Variants in DHCR7 observed in about 807,000 individuals in gnomAD.
The protein encoded by DHCR7 is 7-dehydrocholesterol reductase.
In DHCR7, 40 loss-of-function variants were observed where a neutral mutation model predicts 43.3. That is an observed-to-expected ratio of 0.92 (90% confidence interval 0.72 to 1.20). The LOEUF (loss-of-function observed/expected upper bound fraction) is 1.20. DHCR7 is among the 50% of genes most tolerant of loss of function. The pLI, the probability that DHCR7 is intolerant of heterozygous loss-of-function variation, is 0.00. For synonymous variants in DHCR7, 298 were observed against 271.4 expected, an observed-to-expected ratio of 1.10 and a Z score of -0.96; for missense variants, 608 against 644.6, an observed-to-expected ratio of 0.94 and a Z score of 0.62.
intron 8 of DHCR7, among the ~76,000 whole-genome samples, chr11:71,436,224 G>C (rs928928124): frequency 1.3e-5 from 2 of 152,216 alleles, no homozygotes; most frequent in African/African-American, 4.8e-5. Context: ...TAGTTGTAAA[G>C]GCATTTTTCA....
rs778104937 is a variant in DHCR7 at position 71,437,788 on chromosome 11, G to C, written c.963+24C>G. 2.5e-6 allele frequency: 4 copies of C among 1,613,474 alleles called. No individual in the cohort carries two copies. In the East Asian group the frequency reaches 6.7e-5, roughly 27 times the overall value. On this transcript the variant is annotated intron_variant, in intron 8 of 8. Transcript: ENST00000355527. ...CATGTGTCTGCCAAATGCCCCGCTG[G>C]GCCAGCTCTGCCCACCTCCTCACCT...
chr11:71,427,845 G>A (rs573453990), downstream of DHCR7, among the ~76,000 whole-genome samples: 10 of 152,276 alleles, frequency 6.6e-5, no homozygotes, highest in South Asian at 1.9e-3. Context: ...AAGCAGCCAG[G>A]ACTTTTCAGG....
chr11:71,442,324 G>A lies in DHCR7; in HGVS notation c.351C>T (p.Phe117=). Residue 117 remains phenylalanine (F), a synonymous_variant, in exon 5 of 9, where the codon TTC becomes TTT. Coordinates refer to ENST00000355527, the MANE Select transcript of DHCR7 (RefSeq NM_001360.3). ...QVLLYTSLPD[F]CHKFLPGYVG... Reference sequence around the variant, plus strand: ...CGTAGCCGGGTAGAAACTTATGGCAGAAGTCAGGGAGAGACGTGTACAGAA... The same window carrying A: ...CGTAGCCGGGTAGAAACTTATGGCAAAAGTCAGGGAGAGACGTGTACAGAA... The A allele has an allele frequency of 1.2e-6, 2 of 1,613,968 alleles. No homozygotes were observed. The highest frequency in any genetic ancestry group is 1.7e-6 in the Non-Finnish European group (2 of 1,179,964).
At chr11:71,442,237 G>A in intron 5 of DHCR7, 26 bp downstream of exon 5, 1 of 1,560,322 alleles carries the variant, frequency 6.4e-7, no homozygotes, top group Non-Finnish European at 8.8e-7. Context: ...ACGGGAGCCT[G>A]GGGAGGGTGG....
In DHCR7 at chr11:71,437,184, T is replaced by C. The variant is rs560500595; in HGVS notation, c.963+628A>G. 5.3e-5 allele frequency among the ~76,000 whole-genome samples: 8 copies of C among 152,308 alleles called. No individual in the cohort carries two copies. The South Asian group carries it at 1.7e-3, about 32-fold the overall frequency. On this transcript the variant is annotated intron_variant, in intron 8 of 8. Transcript: ENST00000355527. Reference sequence around the variant, plus strand: ...AGGTGATGCCGGGCCTGTCACATCCTGAATAGGTGACAGCCTCTCCACGTT... The same window carrying C: ...AGGTGATGCCGGGCCTGTCACATCCCGAATAGGTGACAGCCTCTCCACGTT...
chr11:71,438,083 T>A, intron 7 of DHCR7, 140 bp from the exon 8 acceptor site: 1 of 1,006,070 alleles, frequency 9.9e-7, no homozygotes, highest in Non-Finnish European at 1.5e-6. Flanking sequence ...GGGCTGTTCC[T>A]TCCCTGCGGC....
Position 71,435,868 on chromosome 11 carries a change from G to A in DHCR7, c.964-29C>T, listed in dbSNP as rs530212349. 2.2e-4 allele frequency: 353 copies of A among 1,570,172 alleles called. 3 individuals are homozygous for A. The South Asian group carries it at 2.6e-3, about 12-fold the overall frequency. On this transcript the variant is annotated intron_variant, in intron 8 of 8. Transcript: ENST00000355527. ...GGGGGCGAGGGGGAAGGGGTCAAGC[G>A]GTGCTTTGCCCAGGGAGAGGACAGG...
chr11:71,434,576 G>A lies in DHCR7; in HGVS notation c.*799C>T. On this transcript the variant is annotated 3_prime_UTR_variant, in exon 9 of 9. Transcript: ENST00000355527. Reference sequence around the variant, plus strand: ...CTGGGACTGAGACCTCCTCGCTGGAGAAGGTGTGGGAGGCCCCTGAGGGTG... The same window carrying A: ...CTGGGACTGAGACCTCCTCGCTGGAAAAGGTGTGGGAGGCCCCTGAGGGTG... 1 of 156,676 alleles carries A rather than the reference G, an allele frequency of 6.4e-6. No homozygotes were observed. The allele number at this position is 156,676 out of a possible 1,614,324, so 9.7% of individuals were successfully genotyped here.
chr11:71,432,839 G>A (rs1011179190), downstream of DHCR7, among the ~76,000 whole-genome samples: 9 of 152,178 alleles, frequency 5.9e-5, no homozygotes, highest in South Asian at 4.1e-4. Context: ...TGCAATCTGC[G>A]CAGCTCCTCC....
Position 71,435,827 on chromosome 11 carries a change from C to A in DHCR7, c.976G>T (p.Val326Leu), listed in dbSNP as rs80338859. The change falls in exon 9 of 9, where the codon GTG becomes TTG. Residue 326 changes from valine (V) to leucine (L), a missense_variant. By Grantham distance (32) the Val-to-Leu change is conservative. Transcript: ENST00000355527. The stretch of plus-strand genomic sequence containing the variant: ...GTGGACAGCTGCACGGGGTGGTACA[C>A]CAAGTACAGACCCTGGGGGGCGAGG... ...YLYTLQGLYL[V>L]YHPVQLSTPH... 2.6e-5 allele frequency: 42 copies of A among 1,603,172 alleles called. No individual in the cohort carries two copies. The highest frequency in any genetic ancestry group is 3.3e-5 in the Non-Finnish European group (39 of 1,174,696).
Position 71,446,783 on chromosome 11 carries a change from C to T in DHCR7, c.-7+827G>A, listed in dbSNP as rs764818414. ...AGTTCCTATGATGCACAAAACAAGACGAAGAGTTCTTGATAGGAAGAGACC... is the reference window on the plus strand; with the variant it reads ...AGTTCCTATGATGCACAAAACAAGATGAAGAGTTCTTGATAGGAAGAGACC... On this transcript the variant is annotated intron_variant, in intron 2 of 8. Transcript: ENST00000355527. Among the ~76,000 whole-genome samples the T allele has an allele frequency of 1.7e-4, 26 of 152,200 alleles. No individual in the cohort carries two copies. In the East Asian group the frequency reaches 1.7e-3, roughly 10 times the overall value.
chr11:71,443,842 G>T, intron 4 of DHCR7, 151 bp downstream of exon 4: 1 of 625,040 alleles, frequency 1.6e-6, no homozygotes, highest in Non-Finnish European at 2.8e-6. Context: ...ATCTGAACAT[G>T]TCAGAGTCCA....
chr11:71,443,069 T>G (rs1200330271), intron 4 of DHCR7, among the ~76,000 whole-genome samples: 1 of 152,228 alleles, frequency 6.6e-6, no homozygotes, highest in Non-Finnish European at 1.5e-5. Flanking sequence ...CCTCTGTGAC[T>G]GGCTTCTCTC....
chr11:71,439,563 A>G (rs530723309), intron 6 of DHCR7, among the ~76,000 whole-genome samples: 4 of 152,288 alleles, frequency 2.6e-5, no homozygotes, highest in Non-Finnish European at 5.9e-5. Context: ...CAACGTAGAG[A>G]ATGACAAACG....
intron 5 of DHCR7, 75 bp from the exon 6 acceptor site, chr11:71,441,515 C>G: frequency 1.6e-6 from 2 of 1,286,684 alleles, no homozygotes; most frequent in Non-Finnish European, 1.1e-6. Context: ...TGAAGCATGC[C>G]TGGCGGGGGC....
rs953639819 is a variant in DHCR7 at position 71,442,879 on chromosome 11, G to A, written c.322-526C>T. On this transcript the variant is annotated intron_variant, in intron 4 of 8. Coordinates refer to ENST00000355527, the MANE Select transcript of DHCR7 (RefSeq NM_001360.3). ...GGCATTTAGCGCATTTACATGGTTGGTTGTACACCTATCACTGCTAATTCC... is the reference window on the plus strand; with the variant it reads ...GGCATTTAGCGCATTTACATGGTTGATTGTACACCTATCACTGCTAATTCC... 1.3e-4 allele frequency among the ~76,000 whole-genome samples: 20 copies of A among 152,250 alleles called. No homozygotes were observed. In the South Asian group the frequency reaches 3.7e-3, roughly 28 times the overall value.
At chr11:71,441,136 G>T in intron 6 of DHCR7, 91 bp downstream of exon 6, 2 of 1,213,752 alleles carry the variant, frequency 1.6e-6, no homozygotes, top group Non-Finnish European at 2.4e-6. Flanking sequence ...AGTGCTCAGG[G>T]CTTTACAACC....
Position 71,444,047 on chromosome 11 carries a change from A to C in DHCR7, c.267T>G (p.Thr89=). ...GGGCGGCTTTCCTCGTTATAGGTGG[A>C]GTCTTGGCCCAGATGTCCGAGAGCC... ...HARLSDIWAK[T]PPITRKAAQL... is the part of the protein sequence containing the mutation. Residue 89 remains threonine, a synonymous_variant, in exon 4 of 9, where the codon ACT becomes ACG. Transcript: ENST00000355527. The C allele has an allele frequency of 6.2e-7, 1 of 1,613,738 alleles. No individual in the cohort carries two copies. Among genetic ancestry groups the C allele is most frequent in the East Asian group, 2.2e-5 (1 of 44,870 alleles).
chr11:71,439,542 A>G (rs1248545703), intron 6 of DHCR7, among the ~76,000 whole-genome samples: 1 of 152,228 alleles, frequency 6.6e-6, no homozygotes, highest in Non-Finnish European at 1.5e-5. Flanking sequence ...GAGTGACATT[A>G]TAAATCACGC....
Sources: allele counts gnomAD v4.1 joint callset (sites outside exome capture counted in the v4.1 genomes callset), GRCh38; gene constraint gnomAD v4.1.1; transcripts MANE v1.5; gene names NCBI Gene and HGNC (gene_info 2026-07-23, HGNC 2026-07-21).